The following SEMA6D variants were observed in gnomAD, a reference collection of about 807,000 sequenced individuals.
The protein encoded by SEMA6D is semaphorin-6D.
In SEMA6D, 35 loss-of-function variants were observed where a neutral mutation model predicts 106.6. The observed-to-expected ratio is 0.33, with a 90% CI of 0.25 to 0.44. SEMA6D has a LOEUF of 0.44. Among genes scored for constraint, SEMA6D ranks in the 20% least tolerant of loss-of-function variants. The pLI is 1.00. For synonymous variants in SEMA6D, 499 were observed against 487.7 expected, an observed-to-expected ratio of 1.02 and a Z score of -0.31; for missense variants, 1,185 against 1,345.9, an observed-to-expected ratio of 0.88 and a Z score of 1.87.
intron 3 of SEMA6D, among the ~76,000 whole-genome samples, chr15:47,561,391 C>A (rs1296534706): frequency 1.3e-5 from 2 of 151,816 alleles, no homozygotes; most frequent in Non-Finnish European, 2.9e-5. Context: ...CAAAACCATC[C>A]TTCAAAAATG....
rs371098438 is a variant in SEMA6D at position 47,740,776 on chromosome 15, T to A, written c.-54-18969T>A. Among the ~76,000 whole-genome samples the A allele has an allele frequency of 9.2e-5, 14 of 152,124 alleles. No individual in the cohort carries two copies. In the East Asian group the frequency reaches 2.7e-3, roughly 30 times the overall value. The stretch of plus-strand genomic sequence containing the variant: ...CTCTTTTCCCTGACCTTGGGGTAGG[T>A]CCCTGCTGCACCACTGCCTGGAGAC... On this transcript the variant is annotated intron_variant, in intron 1 of 18. Coordinates refer to ENST00000536845, the MANE Select transcript of SEMA6D (RefSeq NM_001358351.3).
intron 3 of SEMA6D, among the ~76,000 whole-genome samples, chr15:47,560,367 A>G (rs1185765977): frequency 6.6e-6 from 1 of 152,116 alleles, no homozygotes; most frequent in African/African-American, 2.4e-5. Context: ...ATGAAGGGAG[A>G]GAAATTATTT....
intron 1 of SEMA6D, among the ~76,000 whole-genome samples, chr15:47,332,342 T>A (rs953707671): frequency 1.3e-5 from 2 of 152,184 alleles, no homozygotes; most frequent in African/African-American, 4.8e-5. Context: ...CTTGCACATG[T>A]CGGCCAAGGC....
At chr15:47,699,618 A>G (rs1292205647) in intron 4 of SEMA6D, among the ~76,000 whole-genome samples, 1 of 152,222 alleles carries the variant, frequency 6.6e-6, no homozygotes, top group Non-Finnish European at 1.5e-5. Flanking sequence ...GTGCCTAGGC[A>G]TATACCTAAA....
chr15:47,525,785 G>C (rs2141995506), intron 3 of SEMA6D, among the ~76,000 whole-genome samples: 1 of 152,336 alleles, frequency 6.6e-6, no homozygotes, highest in Admixed American at 6.5e-5. Context: ...GAGGGTAGAA[G>C]AGGCAAGGGA....
At chr15:47,752,880 A>G (rs948671034) in intron 1 of SEMA6D, among the ~76,000 whole-genome samples, 1 of 151,646 alleles carries the variant, frequency 6.6e-6, no homozygotes. Flanking sequence ...GTGGTGGTGC[A>G]CGCCTGTAAT....
intron 4 of SEMA6D, among the ~76,000 whole-genome samples, chr15:47,705,325 T>C (rs1043844333): frequency 6.6e-6 from 1 of 152,242 alleles, no homozygotes; most frequent in Non-Finnish European, 1.5e-5. Flanking sequence ...TTTAGGGTTT[T>C]ACGGTTTTAC....
At chr15:47,211,700 C>A (rs2030030699) in intron 1 of SEMA6D, among the ~76,000 whole-genome samples, 2 of 151,784 alleles carry the variant, frequency 1.3e-5, no homozygotes, top group South Asian at 4.2e-4. Context: ...AAACATTTGG[C>A]CAAATTTACT....
chr15:47,645,372 T>C (rs1258832792), intron 4 of SEMA6D, among the ~76,000 whole-genome samples: 1 of 152,202 alleles, frequency 6.6e-6, no homozygotes, highest in African/African-American at 2.4e-5. Context: ...TCCAGCCCAC[T>C]CCCTGGCCTT....
chr15:47,763,206 C>A (rs956156405), intron 9 of SEMA6D, 102 bp downstream of exon 9: 2 of 857,488 alleles, frequency 2.3e-6, no homozygotes, highest in Non-Finnish European at 1.8e-6. Flanking sequence ...TTCCAGCTCT[C>A]AATTCAGTAT....
intron 3 of SEMA6D, among the ~76,000 whole-genome samples, chr15:47,562,636 T>TA (rs1415065557): frequency 6.6e-6 from 1 of 151,968 alleles, no homozygotes; most frequent in Admixed American, 6.6e-5. Context: ...AGATGCGAAT[T>TA]AAAATCACAA....
At chr15:47,491,857 C>T (rs1246079672) in intron 3 of SEMA6D, among the ~76,000 whole-genome samples, 1 of 152,076 alleles carries the variant, frequency 6.6e-6, no homozygotes, top group South Asian at 2.1e-4. Context: ...TTGTGCCTGC[C>T]TAGAGCAGAA....
intron 4 of SEMA6D, among the ~76,000 whole-genome samples, chr15:47,639,675 T>C (rs1460161002): frequency 6.6e-6 from 1 of 152,240 alleles, no homozygotes; most frequent in Non-Finnish European, 1.5e-5. Flanking sequence ...GTTGATGGCA[T>C]GTAACTTTGA....
In SEMA6D at chr15:47,398,025, C is replaced by T. The variant is rs1054670747; in HGVS notation, c.-238-14368C>T. 3.9e-5 allele frequency: 6 copies of T among 152,338 alleles called. No homozygotes were observed. In the East Asian group the frequency reaches 1.2e-3, roughly 29 times the overall value. The allele number at this position is 152,338 out of a possible 1,614,324, so 9.4% of individuals were successfully genotyped here. On this transcript the variant is annotated intron_variant, in intron 1 of 19. Transcript: ENST00000558014. ...AATTGAAAGGGTGTCAGCACTCCCTCCATTCCCCAACCCCCAACACTTTCC... is the reference window on the plus strand; with the variant it reads ...AATTGAAAGGGTGTCAGCACTCCCTTCATTCCCCAACCCCCAACACTTTCC...
At chr15:47,430,191 C>G (rs1029992427) in intron 2 of SEMA6D, among the ~76,000 whole-genome samples, 1 of 152,040 alleles carries the variant, frequency 6.6e-6, no homozygotes, top group African/African-American at 2.4e-5. Flanking sequence ...TCACATCATT[C>G]CCCCAAAAAT....
intron 3 of SEMA6D, among the ~76,000 whole-genome samples, chr15:47,576,181 A>G (rs2076153622): frequency 6.6e-6 from 1 of 152,226 alleles, no homozygotes; most frequent in African/African-American, 2.4e-5. Flanking sequence ...ATGTTCAGAA[A>G]CTATATTGGA....
At chr15:47,589,872 A>C (rs1211280731) in intron 3 of SEMA6D, among the ~76,000 whole-genome samples, 2 of 152,186 alleles carry the variant, frequency 1.3e-5, no homozygotes, top group Non-Finnish European at 2.9e-5. Flanking sequence ...TAGCTATGGG[A>C]CAATCCAACA....
chr15:47,267,203 T>C (rs112832642), intron 1 of SEMA6D, among the ~76,000 whole-genome samples: 1,858 of 152,272 alleles, frequency 0.012, 42 homozygotes, highest in African/African-American at 0.042. Flanking sequence ...TTGAATGAGA[T>C]TAGACACTTA....
chr15:47,565,922 C>G (rs1324894923), intron 3 of SEMA6D, among the ~76,000 whole-genome samples: 1 of 152,136 alleles, frequency 6.6e-6, no homozygotes, highest in Non-Finnish European at 1.5e-5. Context: ...AATTTTTTTC[C>G]TTAGTTTACA....
Sources: gnomAD v4.1 joint callset for allele counts (sites outside exome capture counted in the v4.1 genomes callset) on GRCh38, gnomAD v4.1.1 for gene constraint, MANE v1.5 for transcripts, NCBI Gene and HGNC (gene_info 2026-07-23, HGNC 2026-07-21) for gene names.